Variants in FANCC observed in about 807,000 individuals in gnomAD.
The protein encoded by FANCC is Fanconi anemia group C protein.
Under a neutral mutation model 71.3 loss-of-function variants are expected in FANCC, and 55 were observed. The observed-to-expected ratio is 0.77, with a 90% CI of 0.62 to 0.97. The LOEUF (loss-of-function observed/expected upper bound fraction) is 0.97. FANCC is among the 50% of genes least tolerant of loss of function. The probability of loss-of-function intolerance (pLI) is 0.00; values close to 1 mark genes in which losing one functional copy is unlikely to be tolerated. For missense variants in FANCC, 678 were observed against 670.9 expected (o/e 1.01, Z -0.12); for synonymous variants, 275 against 244.9 (o/e 1.12, Z -1.15).
At chr9:95,126,194 G>A (rs1825951060) in intron 9 of FANCC, among the ~76,000 whole-genome samples, 1 of 152,190 alleles carries the variant, frequency 6.6e-6, no homozygotes, top group Non-Finnish European at 1.5e-5. Flanking sequence ...ACATGGTGAA[G>A]GGAGTATATT....
At chr9:95,175,319 C>T (rs1031782582) in intron 4 of FANCC, among the ~76,000 whole-genome samples, 1 of 152,062 alleles carries the variant, frequency 6.6e-6, no homozygotes, top group African/African-American at 2.4e-5. Context: ...CAACAAAAAA[C>T]CCCCAGTAAT....
At chr9:95,254,889 G>A (rs557122791) in intron 1 of FANCC, among the ~76,000 whole-genome samples, 1 of 152,118 alleles carries the variant, frequency 6.6e-6, no homozygotes, top group Non-Finnish European at 1.5e-5. Flanking sequence ...GAGCTTGGTG[G>A]GGGGAGGGGC....
At chr9:95,272,245 CTCT>C (rs1359404151) in intron 1 of FANCC, among the ~76,000 whole-genome samples, 1 of 151,960 alleles carries the variant, frequency 6.6e-6, no homozygotes, top group African/African-American at 2.4e-5. Flanking sequence ...GCCCCGCCTC[CTCT>C]TTTTTATTGA....
chr9:95,293,809 C>G, intron 1 of FANCC: 2 of 1,613,750 alleles, frequency 1.2e-6, no homozygotes, highest in Non-Finnish European at 1.7e-6. Context: ...GGTGGGGTCT[C>G]CTGAGAAACT....
At position 95,117,378 on chromosome 9, in the gene FANCC, G is replaced by A. The variant is rs587779899; in HGVS notation, c.1009C>T (p.Leu337Phe). 7.4e-6 allele frequency: 12 copies of A among 1,613,870 alleles called. No individual in the cohort carries two copies. Among genetic ancestry groups the A allele is most frequent in the Non-Finnish European group, 1.0e-5 (12 of 1,179,956 alleles). ...EKASKQLRFA[L>F]KTYFPYTSPS... ...GAAGTGTAAGGAAAGTAGGTCTTGA[G>A]TGCAAACCGCAGCTGCCACAGGATG... is the stretch of plus-strand genomic sequence containing the variant. Residue 337 changes from leucine to phenylalanine, a missense_variant, in exon 11 of 15, where the codon CTC becomes TTC. Transcript: ENST00000289081.
chr9:95,292,184 A>G (rs1834062693), intron 1 of FANCC, among the ~76,000 whole-genome samples: 1 of 149,364 alleles, frequency 6.7e-6, no homozygotes. Flanking sequence ...CAAAGGCGCC[A>G]AGAACACACA....
intron 4 of FANCC, among the ~76,000 whole-genome samples, chr9:95,227,639 A>T (rs973227419): frequency 5.3e-5 from 8 of 152,198 alleles, no homozygotes. Context: ...AGAAGCCACC[A>T]TCTGATTTAT....
intron 6 of FANCC, among the ~76,000 whole-genome samples, chr9:95,164,601 G>C (rs1488588752): frequency 2.6e-5 from 4 of 152,142 alleles, no homozygotes; most frequent in African/African-American, 9.7e-5. Flanking sequence ...GTGCAATATA[G>C]TGATTTTTGT....
chr9:95,185,348 T>A (rs2135703299), intron 4 of FANCC, among the ~76,000 whole-genome samples: 1 of 152,290 alleles, frequency 6.6e-6, no homozygotes, highest in Non-Finnish European at 1.5e-5. Context: ...TAAGTTAATT[T>A]AAAATTTGTT....
chr9:95,199,212 A>C (rs1827650265), intron 4 of FANCC, among the ~76,000 whole-genome samples: 1 of 151,798 alleles, frequency 6.6e-6, no homozygotes, highest in Non-Finnish European at 1.5e-5. Context: ...CACAGACTGC[A>C]CTCTGGCCAG....
intron 10 of FANCC, among the ~76,000 whole-genome samples, chr9:95,120,996 G>C (rs1012977567): frequency 1.3e-5 from 2 of 152,194 alleles, no homozygotes; most frequent in Non-Finnish European, 2.9e-5. Flanking sequence ...CATGAGGGCA[G>C]CTGGGGGGAG....
chr9:95,298,199 T>G (rs1204369422), intron 1 of FANCC, among the ~76,000 whole-genome samples: 1 of 152,018 alleles, frequency 6.6e-6, no homozygotes, highest in Non-Finnish European at 1.5e-5. Flanking sequence ...GAACACATAG[T>G]ATTTAGTATT....
intron 6 of FANCC, among the ~76,000 whole-genome samples, chr9:95,155,668 A>G (rs1830429602): frequency 6.6e-6 from 1 of 152,028 alleles, no homozygotes; most frequent in Non-Finnish European, 1.5e-5. Context: ...AGTCTCCTGG[A>G]CCACAATTAA....
chr9:95,278,906 G>C (rs965338886), intron 1 of FANCC, among the ~76,000 whole-genome samples: 10 of 151,838 alleles, frequency 6.6e-5, no homozygotes, highest in African/African-American at 2.4e-4. Flanking sequence ...TCACTTACAG[G>C]CATCAGTTAC....
intron 4 of FANCC, among the ~76,000 whole-genome samples, chr9:95,233,560 A>G (rs966740916): frequency 6.6e-6 from 1 of 152,190 alleles, no homozygotes; most frequent in Admixed American, 6.5e-5. Flanking sequence ...GCATGTCTGG[A>G]GCTAGTGCAG....
chr9:95,254,977 A>T (rs1442688809), intron 1 of FANCC, among the ~76,000 whole-genome samples: 2 of 152,060 alleles, frequency 1.3e-5, no homozygotes, highest in Non-Finnish European at 2.9e-5. Context: ...TCGCTCAGCA[A>T]AGCCGCTGTA....
intron 4 of FANCC, among the ~76,000 whole-genome samples, chr9:95,174,846 G>C (rs1356232325): frequency 6.6e-6 from 1 of 152,074 alleles, no homozygotes; most frequent in East Asian, 1.9e-4. Context: ...GGGACGACAA[G>C]CACGTGGCAC....
At chr9:95,294,107 T>C (rs1255993182) in intron 1 of FANCC, 193 of 1,610,496 alleles carry the variant, frequency 1.2e-4, no homozygotes, top group Non-Finnish European at 1.6e-4. Flanking sequence ...ACCATAGATT[T>C]ATTAAGTGAT....
At chr9:95,179,043 G>T (rs971120407) in intron 4 of FANCC, among the ~76,000 whole-genome samples, 1 of 152,160 alleles carries the variant, frequency 6.6e-6, no homozygotes, top group Non-Finnish European at 1.5e-5. Context: ...CCATAATAGA[G>T]ATTTCGCTAA....
Sources: allele counts gnomAD v4.1 joint callset (sites outside exome capture counted in the v4.1 genomes callset), GRCh38; gene constraint gnomAD v4.1.1; transcripts MANE v1.5; gene names NCBI Gene and HGNC (gene_info 2026-07-23, HGNC 2026-07-21).